EXT2: variants seen among roughly 807,000 people sequenced by gnomAD.
The protein encoded by EXT2 is exostosin glycosyltransferase 2, also known as exostosin-2.
A neutral mutation model predicts 81.6 loss-of-function variants in EXT2; 53 were observed. The ratio of observed to expected loss-of-function variants is 0.65; its 90% CI spans 0.52 to 0.82. The LOEUF (loss-of-function observed/expected upper bound fraction) is 0.82, where lower values mean the gene tolerates loss of function less well. Ranked by LOEUF, EXT2 falls within the 40% of genes least tolerant of loss-of-function variation. The pLI is 0.00. For synonymous variants in EXT2, 320 were observed against 340.0 expected (o/e 0.94, Z 0.65); for missense variants, 774 against 910.2 (o/e 0.85, Z 1.93).
At chr11:44,188,982 C>T (rs1335749553) in intron 8 of EXT2, among the ~76,000 whole-genome samples, 3 of 152,078 alleles carry the variant, frequency 2.0e-5, no homozygotes, top group African/African-American at 7.2e-5. Flanking sequence ...AATTTACAGC[C>T]TGGTAATCAT....
intron 10 of EXT2, among the ~76,000 whole-genome samples, chr11:44,213,619 G>A (rs931098420): frequency 6.6e-6 from 1 of 152,148 alleles, no homozygotes; most frequent in African/African-American, 2.4e-5. Context: ...ATAGGAGAAT[G>A]GAGATAACAA....
chr11:44,121,899 T>C (rs1954322461), intron 4 of EXT2, among the ~76,000 whole-genome samples: 1 of 152,102 alleles, frequency 6.6e-6, no homozygotes, highest in Non-Finnish European at 1.5e-5. Context: ...TGCGCCAGGC[T>C]ACCTTACTAC....
intron 1 of EXT2, among the ~76,000 whole-genome samples, chr11:44,098,402 A>G (rs1309708499): frequency 6.6e-6 from 1 of 152,060 alleles, no homozygotes; most frequent in Admixed American, 6.6e-5. Flanking sequence ...TTATAAAGGC[A>G]GGGGTGCAGC....
At chr11:44,119,151 T>TATATATAC (rs1954273487) in intron 4 of EXT2, among the ~76,000 whole-genome samples, 1 of 91,650 alleles carries the variant, frequency 1.1e-5, no homozygotes, top group Non-Finnish European at 2.1e-5. Context: ...TATATATATA[T>TATATATAC]ATATATATAT....
chr11:44,135,897 T>C (rs1240407258), intron 7 of EXT2, among the ~76,000 whole-genome samples: 1 of 152,228 alleles, frequency 6.6e-6, no homozygotes, highest in Non-Finnish European at 1.5e-5. Context: ...GTAGTTTCTG[T>C]TTCTTCCCAC....
chr11:44,202,658 A>G (rs150214800), intron 9 of EXT2, among the ~76,000 whole-genome samples: 71 of 152,320 alleles, frequency 4.7e-4, no homozygotes, highest in African/African-American at 1.7e-3. Context: ...GTAGACACAG[A>G]CTTTCCAGGG....
intron 7 of EXT2, among the ~76,000 whole-genome samples, chr11:44,156,774 C>G (rs1393423005): frequency 6.6e-6 from 1 of 152,152 alleles, no homozygotes; most frequent in Non-Finnish European, 1.5e-5. Flanking sequence ...GTTCTTGATG[C>G]TTGTGGATGT....
chr11:44,242,645 G>A (rs1956050185), intron 13 of EXT2, among the ~76,000 whole-genome samples: 1 of 152,004 alleles, frequency 6.6e-6, no homozygotes, highest in South Asian at 2.1e-4. Flanking sequence ...GGCAAGGGGG[G>A]TGATGAGTAT....
chr11:44,169,035 C>T (rs1301849293), intron 7 of EXT2, among the ~76,000 whole-genome samples: 1 of 152,044 alleles, frequency 6.6e-6, no homozygotes, highest in Non-Finnish European at 1.5e-5. Flanking sequence ...GTCTGACCAA[C>T]ATGGTGAAAC....
At chr11:44,211,529 A>G (rs994162922) in intron 10 of EXT2, among the ~76,000 whole-genome samples, 3 of 152,244 alleles carry the variant, frequency 2.0e-5, no homozygotes, top group Non-Finnish European at 4.4e-5. Flanking sequence ...AGGCACAAAA[A>G]GACAAACATT....
intron 7 of EXT2, among the ~76,000 whole-genome samples, chr11:44,161,729 C>T (rs1036407419): frequency 6.6e-6 from 1 of 152,074 alleles, no homozygotes; most frequent in Non-Finnish European, 1.5e-5. Context: ...ACCTGGCAGA[C>T]CTCACCTTAA....
chr11:44,115,401 A>G (rs1407147618), intron 4 of EXT2, among the ~76,000 whole-genome samples: 1 of 152,112 alleles, frequency 6.6e-6, no homozygotes, highest in African/African-American at 2.4e-5. Context: ...TTCTTGGCTC[A>G]TATTTTAGTA....
intron 9 of EXT2, among the ~76,000 whole-genome samples, chr11:44,202,036 C>A (rs1449523148): frequency 6.6e-6 from 1 of 152,210 alleles, no homozygotes; most frequent in African/African-American, 2.4e-5. Flanking sequence ...CTGGTGGTAG[C>A]TGATCACTGA....
chr11:44,182,348 C>T (rs1197691077), intron 8 of EXT2, among the ~76,000 whole-genome samples: 1 of 151,992 alleles, frequency 6.6e-6, no homozygotes, highest in Non-Finnish European at 1.5e-5. Context: ...TTTCCAGAGC[C>T]CCTTCTTCCA....
chr11:44,136,841 A>G (rs2135046591), intron 7 of EXT2, among the ~76,000 whole-genome samples: 1 of 152,208 alleles, frequency 6.6e-6, no homozygotes, highest in East Asian at 1.9e-4. Context: ...CTTCCCTTAA[A>G]CAGTGCACAT....
At position 44,206,851 on chromosome 11, in the gene EXT2, G is replaced by A. The variant is rs144238557; in HGVS notation, c.1554G>A (p.Lys518=). ...AAGTTGTGAGGACTGCTGAAAACAA[G>A]TTAAGTAACCGTTTCTTCCCTTATG... The part of the protein sequence containing the change: ...PLKVVRTAEN[K]LSNRFFPYDE... The change falls in exon 10 of 14, where the codon AAG becomes AAA. Residue 518 remains lysine, a synonymous_variant. Coordinates refer to ENST00000533608, the MANE Select transcript of EXT2 (RefSeq NM_207122.2). 2.8e-5 allele frequency: 46 copies of A among 1,614,116 alleles called. No homozygotes were observed. In the African/African-American group the frequency reaches 5.9e-4, roughly 21 times the overall value.
chr11:44,096,208 T>C, intron 1 of EXT2: 1 of 1,524,536 alleles, frequency 6.6e-7, no homozygotes, highest in Non-Finnish European at 8.8e-7. Context: ...CCCTTCCTGC[T>C]GCCACCTTCC....
Position 44,247,325 on chromosome 11 carries a change from C to T in EXT2, c.*3038C>T, listed in dbSNP as rs1362939442. ...GCAACAATAGCATGGTCTCGGCTCA[C>T]TACATCCTCCGCCTCCCAGGTTCAA... On this transcript the variant is annotated 3_prime_UTR_variant, in exon 14 of 14. Coordinates refer to ENST00000533608, the MANE Select transcript of EXT2 (RefSeq NM_207122.2). Among the ~76,000 whole-genome samples the T allele has an allele frequency of 6.8e-6, 1 of 146,150 alleles. No homozygotes were observed. The highest frequency in any genetic ancestry group is 7.0e-5 in the Admixed American group (1 of 14,328).
chr11:44,116,924 G>A (rs986943763), intron 4 of EXT2: 1 of 150,766 alleles, frequency 6.6e-6, no homozygotes, highest in Non-Finnish European at 1.5e-5. Context: ...TCAGATCCAT[G>A]ATTTGCAAAT....
Sources: gnomAD v4.1 joint callset for allele counts (sites outside exome capture counted in the v4.1 genomes callset) on GRCh38, gnomAD v4.1.1 for gene constraint, MANE v1.5 for transcripts, NCBI Gene and HGNC (gene_info 2026-07-23, HGNC 2026-07-21) for gene names.